The following BMPR1B variants were observed in gnomAD, a reference collection of about 807,000 sequenced individuals.
BMPR1B encodes the protein bone morphogenetic protein receptor type-1B.
Under a neutral mutation model 59.1 loss-of-function variants are expected in BMPR1B, and 12 were observed. The ratio of observed to expected loss-of-function variants is 0.20; its 90% confidence interval spans 0.13 to 0.33. BMPR1B has a LOEUF of 0.33. Ranked by LOEUF, BMPR1B falls within the 10% of genes least tolerant of loss-of-function variation. The pLI is 1.00. For synonymous variants in BMPR1B, 237 were observed against 207.3 expected (o/e 1.14, Z -1.23); for missense variants, 550 against 610.9 (o/e 0.90, Z 1.05).
At chr4:94,898,772 C>T (rs750302566) in intron 2 of BMPR1B, among the ~76,000 whole-genome samples, 32 of 152,154 alleles carry the variant, frequency 2.1e-4, no homozygotes, top group Non-Finnish European at 3.5e-4. Flanking sequence ...CTCTCCAGCA[C>T]ACTAAAATAG....
At chr4:95,032,500 T>C (rs1724940921) in intron 3 of BMPR1B, among the ~76,000 whole-genome samples, 1 of 152,080 alleles carries the variant, frequency 6.6e-6, no homozygotes. Context: ...CATAACATTC[T>C]TTATATCTAT....
rs962376937 is a variant in BMPR1B, at chr4:95,157,326, A to G, written c.*2653A>G. On this transcript the variant is annotated 3_prime_UTR_variant, in exon 13 of 13. Transcript: ENST00000515059. ...TTTTCTCTGTATCTTACCAAAATCC[A>G]CTTTACTTAGATAACACTAAATTGT... is the stretch of plus-strand genomic sequence containing the variant. The G allele has an allele frequency of 2.0e-5, 3 of 152,098 alleles. No homozygotes were observed. The highest frequency in any genetic ancestry group is 7.2e-5 in the African/African-American group (3 of 41,448). The allele number at this position is 152,098 out of a possible 1,614,324, so 9.4% of individuals were successfully genotyped here. A position where few individuals can be genotyped will look rare whatever the true frequency, so the allele number is the denominator to read the frequency against.
chr4:94,772,389 T>C (rs1027084163), intron 1 of BMPR1B, among the ~76,000 whole-genome samples: 6 of 152,208 alleles, frequency 3.9e-5, no homozygotes, highest in Non-Finnish European at 8.8e-5. Context: ...AAATCTTTAG[T>C]TTCCAAAATA....
intron 1 of BMPR1B, among the ~76,000 whole-genome samples, chr4:94,781,728 C>T (rs1388549162): frequency 6.6e-6 from 1 of 152,010 alleles, no homozygotes; most frequent in Non-Finnish European, 1.5e-5. Flanking sequence ...ATATTTATAC[C>T]TATATTTTCA....
At chr4:94,803,717 T>C (rs1273312529) in intron 1 of BMPR1B, among the ~76,000 whole-genome samples, 2 of 152,184 alleles carry the variant, frequency 1.3e-5, no homozygotes, top group African/African-American at 4.8e-5. Flanking sequence ...ATGCAGTATC[T>C]TATTTTCCGA....
chr4:94,970,656 G>A (rs1408147492), intron 2 of BMPR1B, among the ~76,000 whole-genome samples: 1 of 151,920 alleles, frequency 6.6e-6, no homozygotes, highest in Non-Finnish European at 1.5e-5. Context: ...TAATTTTTAT[G>A]GGTACATAAA....
At chr4:94,900,443 C>T (rs1288501204) in intron 2 of BMPR1B, among the ~76,000 whole-genome samples, 4 of 151,404 alleles carry the variant, frequency 2.6e-5, no homozygotes, top group Non-Finnish European at 5.9e-5. Context: ...TGTAAAGGCA[C>T]AATTTAAGTT....
chr4:94,873,936 C>T (rs1003268080), intron 1 of BMPR1B, among the ~76,000 whole-genome samples: 24 of 152,246 alleles, frequency 1.6e-4, no homozygotes, highest in African/African-American at 5.1e-4. Context: ...CTTTTCTTCA[C>T]GTCCCTGGCA....
intron 2 of BMPR1B, among the ~76,000 whole-genome samples, chr4:94,938,788 C>T (rs1231757507): frequency 6.6e-6 from 1 of 152,184 alleles, no homozygotes; most frequent in African/African-American, 2.4e-5. Context: ...ATTTGGGAGC[C>T]TTCCTTAAGA....
At chr4:94,831,551 A>C (rs1724590999) in intron 1 of BMPR1B, among the ~76,000 whole-genome samples, 1 of 152,186 alleles carries the variant, frequency 6.6e-6, no homozygotes, top group Non-Finnish European at 1.5e-5. Flanking sequence ...AGCTCCATTC[A>C]TGGTAAGTGC....
chr4:95,095,672 C>T (rs1056632651), intron 3 of BMPR1B, among the ~76,000 whole-genome samples: 1 of 152,058 alleles, frequency 6.6e-6, no homozygotes, highest in Non-Finnish European at 1.5e-5. Context: ...CCTTGTATGA[C>T]ACAAAATGAT....
At chr4:94,985,562 C>T (rs1490246665) in intron 2 of BMPR1B, among the ~76,000 whole-genome samples, 1 of 134,828 alleles carries the variant, frequency 7.4e-6, no homozygotes, top group African/African-American at 2.9e-5. Flanking sequence ...TGTGTGTTGG[C>T]CATTGTCAAC....
At chr4:94,796,303 G>A (rs1231642998) in intron 1 of BMPR1B, among the ~76,000 whole-genome samples, 2 of 152,136 alleles carry the variant, frequency 1.3e-5, no homozygotes, top group Non-Finnish European at 2.9e-5. Context: ...ATCTGATTCT[G>A]CAGATGTGTC....
intron 3 of BMPR1B, among the ~76,000 whole-genome samples, chr4:95,076,414 T>C (rs1440782368): frequency 6.6e-6 from 1 of 152,114 alleles, no homozygotes; most frequent in African/African-American, 2.4e-5. Context: ...TTTGCAAGAC[T>C]GAAAATCAGA....
chr4:94,826,640 C>G (rs1281706829), intron 1 of BMPR1B, among the ~76,000 whole-genome samples: 2 of 144,872 alleles, frequency 1.4e-5, no homozygotes, highest in Non-Finnish European at 3.0e-5. Context: ...AGAGGAACAT[C>G]TGGAATGTTC....
chr4:95,030,254 A>G (rs924617458), intron 3 of BMPR1B, among the ~76,000 whole-genome samples: 7 of 152,292 alleles, frequency 4.6e-5, no homozygotes, highest in African/African-American at 1.7e-4. Flanking sequence ...TTTTAGGTCT[A>G]ATGTTTAAGT....
chr4:94,919,344 A>G (rs1728603602), intron 2 of BMPR1B, among the ~76,000 whole-genome samples: 2 of 152,200 alleles, frequency 1.3e-5, no homozygotes, highest in African/African-American at 2.4e-5. Flanking sequence ...TTTTATGACT[A>G]GTAATTATGG....
At chr4:94,808,615 T>C (rs1723697207) in intron 1 of BMPR1B, among the ~76,000 whole-genome samples, 1 of 152,232 alleles carries the variant, frequency 6.6e-6, no homozygotes, top group East Asian at 1.9e-4. Context: ...ATCTACATTA[T>C]GAGATTCCAG....
At position 94,977,211 on chromosome 4, in the gene BMPR1B, T is replaced by C. The variant is rs118046985; in HGVS notation, c.-112-18829T>C. On this transcript the variant is annotated intron_variant, in intron 2 of 12. Transcript: ENST00000515059. Reference sequence around the variant, plus strand: ...ATAACACCCTGATGGTTCTGGTAGTTAGGTTGTTGAGCAGAAAAAGTCAGC... The same window carrying C: ...ATAACACCCTGATGGTTCTGGTAGTCAGGTTGTTGAGCAGAAAAAGTCAGC... Among the ~76,000 whole-genome samples, 7 of 152,336 alleles carry C rather than the reference T, an allele frequency of 4.6e-5. No individual in the cohort carries two copies. In the East Asian group the frequency reaches 1.4e-3, roughly 29 times the overall value.
Sources: allele counts gnomAD v4.1 joint callset (sites outside exome capture counted in the v4.1 genomes callset), GRCh38; gene constraint gnomAD v4.1.1; transcripts MANE v1.5; gene names NCBI Gene and HGNC (gene_info 2026-07-23, HGNC 2026-07-21).